The following CFAP47 variants were observed in gnomAD, a reference collection of about 807,000 sequenced individuals.
The protein encoded by CFAP47 is cilia and flagella associated protein 47.
In CFAP47, 29 loss-of-function variants were observed where a neutral mutation model predicts 148.1. The observed-to-expected ratio is 0.20, with a 90% CI of 0.15 to 0.27. CFAP47 has a LOEUF of 0.27. CFAP47 is among the 10% of genes least tolerant of loss of function. The pLI, the probability that CFAP47 is intolerant of heterozygous loss-of-function variation, is 1.00. For synonymous variants in CFAP47, 664 were observed against 577.3 expected, an observed-to-expected ratio of 1.15 and a Z score of -2.15; for missense variants, 1,872 against 1,697.5, an observed-to-expected ratio of 1.10 and a Z score of -1.81.
At chrX:36,333,123 ATC>A (rs1941577846) in intron 57 of CFAP47, among the ~76,000 whole-genome samples, 3 of 110,995 alleles carry the variant, frequency 2.7e-5, no homozygotes, top group African/African-American at 9.8e-5. Flanking sequence ...TTATACATTT[ATC>A]TCTCTTTATA....
At chrX:36,123,539 G>GGCAGA (rs1327708120) in intron 33 of CFAP47, among the ~76,000 whole-genome samples, 1 of 111,560 alleles carries the variant, frequency 9.0e-6, no homozygotes, top group Non-Finnish European at 1.9e-5. Context: ...CCTCTCCGAA[G>GGCAGA]GCAGAGGAGC....
At chrX:36,141,508 C>A (rs1423662698) in intron 35 of CFAP47, among the ~76,000 whole-genome samples, 2 of 110,950 alleles carry the variant, frequency 1.8e-5, no homozygotes, top group African/African-American at 3.3e-5. Context: ...TCCACTGACT[C>A]AGCTTCAACC....
At position 35,956,104 on chromosome X, in the gene CFAP47, T is replaced by G. The variant is rs150580241; in HGVS notation, c.1318T>G (p.Cys440Gly). The G allele has an allele frequency of 1.7e-6, 2 of 1,209,659 alleles. No homozygotes were observed. Among genetic ancestry groups the G allele is most frequent in the African/African-American group, 3.5e-5 (2 of 57,123 alleles). Reference protein sequence around the residue: ...SEIQCIIKNQCELLPVTYHFK... With the variant: ...SEIQCIIKNQGELLPVTYHFK... The stretch of plus-strand genomic sequence containing the variant: ...AATTCAGTGCATCATAAAAAATCAA[T>G]GCGAATTACTTCCTGTGACGTACCA... The change falls in exon 8 of 64, where the codon TGC becomes GGC. Residue 440 changes from cysteine (C) to glycine (G), a missense_variant. Physicochemically the swap from Cys to Gly is radical, Grantham distance 159. Coordinates refer to ENST00000378653, the MANE Select transcript of CFAP47 (RefSeq NM_001304548.2).
chrX:36,182,756 T>C (rs982389463), intron 40 of CFAP47, among the ~76,000 whole-genome samples: 6 of 108,751 alleles, frequency 5.5e-5, no homozygotes, highest in African/African-American at 2.2e-4. Flanking sequence ...AACAAGAAAA[T>C]GTTTTTAAAA....
At chrX:36,146,103 G>A (rs936020636) in intron 36 of CFAP47, among the ~76,000 whole-genome samples, 4 of 111,204 alleles carry the variant, frequency 3.6e-5, no homozygotes, top group Non-Finnish European at 5.7e-5. Context: ...ATATCCAAGG[G>A]CTTTGGATAA....
In CFAP47 at chrX:36,100,384, A is replaced by C. The variant is rs1222715484; in HGVS notation, c.5127+505A>C. 2.7e-5 allele frequency among the ~76,000 whole-genome samples: 3 copies of C among 112,171 alleles called. No homozygotes were observed. In the East Asian group the frequency reaches 8.4e-4, roughly 32 times the overall value. On this transcript the variant is annotated intron_variant, in intron 32 of 63. Coordinates refer to ENST00000378653, the MANE Select transcript of CFAP47 (RefSeq NM_001304548.2). ...AGTCTCTTGCTATAAAACTATATTC[A>C]CTAAGATTCATACAACTATAGGCAA...
At chrX:36,304,628 G>A (rs1941331736) in intron 54 of CFAP47, among the ~76,000 whole-genome samples, 1 of 110,495 alleles carries the variant, frequency 9.1e-6, no homozygotes, top group African/African-American at 3.3e-5. Flanking sequence ...TGTTGCCAGG[G>A]TTCCAAGGGA....
rs782261232 is a variant in CFAP47, at chrX:36,376,189, C to A, written c.9186-3161C>A. 3.1e-4 allele frequency among the ~76,000 whole-genome samples: 35 copies of A among 112,357 alleles called. No homozygotes were observed. In the South Asian group the frequency reaches 0.011, roughly 34 times the overall value. Reference sequence around the variant, plus strand: ...CTGGCTAGAGATTCTGGAGGCCTTGCAAACCTTTTATGTGGATGTGTCTTT... The same window carrying A: ...CTGGCTAGAGATTCTGGAGGCCTTGAAAACCTTTTATGTGGATGTGTCTTT... On this transcript the variant is annotated intron_variant, in intron 62 of 63. Transcript: ENST00000378653.
chrX:36,175,286 C>T (rs1473562313), intron 39 of CFAP47, among the ~76,000 whole-genome samples: 2 of 112,164 alleles, frequency 1.8e-5, no homozygotes, highest in African/African-American at 6.5e-5. Context: ...CGTCTGAAGC[C>T]TTCTTCTCTC....
intron 33 of CFAP47, among the ~76,000 whole-genome samples, chrX:36,124,725 C>T (rs1287581464): frequency 9.0e-6 from 1 of 111,105 alleles, no homozygotes; most frequent in African/African-American, 3.3e-5. Context: ...AATTTAAAGC[C>T]AGGTTCTGTG....
At chrX:36,277,779 T>C (rs998778268) in intron 49 of CFAP47, among the ~76,000 whole-genome samples, 1 of 112,236 alleles carries the variant, frequency 8.9e-6, no homozygotes, top group African/African-American at 3.2e-5. Context: ...GGCTACCATA[T>C]TGGATAGCAC....
chrX:36,141,511 C>A (rs1939139749), intron 35 of CFAP47, among the ~76,000 whole-genome samples: 1 of 111,019 alleles, frequency 9.0e-6, no homozygotes, highest in African/African-American at 3.3e-5. Flanking sequence ...ACTGACTCAG[C>A]TTCAACCTCC....
At chrX:36,293,148 G>A (rs1941209081) in intron 51 of CFAP47, among the ~76,000 whole-genome samples, 1 of 111,309 alleles carries the variant, frequency 9.0e-6, no homozygotes, top group Non-Finnish European at 1.9e-5. Context: ...TTCTAGTGGA[G>A]TTAGAAAACG....
Position 36,156,816 on chromosome X carries a change from A to G in CFAP47, c.5787-2610A>G, listed in dbSNP as rs145261858. Among the ~76,000 whole-genome samples the G allele has an allele frequency of 6.4e-3, 710 of 111,555 alleles. 3 individuals carry two copies. Among genetic ancestry groups the G allele is most frequent in the African/African-American group, 0.022 (683 of 30,777 alleles). The stretch of plus-strand genomic sequence containing the variant: ...GAATGCTGGTCATTTACATGCTTCA[A>G]TATAACTACAAAATTTAAAAAATAA... On this transcript the variant is annotated intron_variant, in intron 37 of 63. Transcript: ENST00000378653.
chrX:36,047,409 A>G (rs1025020184), intron 26 of CFAP47, among the ~76,000 whole-genome samples: 1 of 111,947 alleles, frequency 8.9e-6, no homozygotes, highest in South Asian at 3.7e-4. Context: ...GAGCAATTGG[A>G]CAGGAAATAA....
chrX:35,956,863 T>C (rs1936253257), intron 8 of CFAP47, among the ~76,000 whole-genome samples: 1 of 111,376 alleles, frequency 9.0e-6, no homozygotes, highest in Non-Finnish European at 1.9e-5. Context: ...TTAGTGTTTT[T>C]GGAATATAGC....
chrX:36,302,968 A>G (rs1556008079), intron 53 of CFAP47, among the ~76,000 whole-genome samples: 1 of 112,050 alleles, frequency 8.9e-6, no homozygotes, highest in African/African-American at 3.2e-5. Context: ...TAGTTCATAC[A>G]TAATTATTTT....
At chrX:35,933,359 A>G (rs1229859940) in intron 2 of CFAP47, among the ~76,000 whole-genome samples, 2 of 111,281 alleles carry the variant, frequency 1.8e-5, no homozygotes, top group Non-Finnish European at 3.8e-5. Context: ...TTCACTTAAC[A>G]TAATGACCTC....
At position 36,041,504 on chromosome X, in the gene CFAP47, T is replaced by C. The variant is rs762010307; in HGVS notation, c.4007+2325T>C. 5.0e-4 allele frequency among the ~76,000 whole-genome samples: 56 copies of C among 111,375 alleles called. 1 individual carries two copies. The highest frequency in any genetic ancestry group is 1.5e-3 in the South Asian group (4 of 2,673). On this transcript the variant is annotated intron_variant, in intron 25 of 63. Coordinates refer to ENST00000378653, the MANE Select transcript of CFAP47 (RefSeq NM_001304548.2). ...TTTTACAGTCAAGTTTTACTGAACT[T>C]TCAGGAAACAGATATATCAAACTAT... is the stretch of plus-strand genomic sequence containing the variant.
Sources: allele counts gnomAD v4.1 joint callset (sites outside exome capture counted in the v4.1 genomes callset), GRCh38; gene constraint gnomAD v4.1.1; transcripts MANE v1.5; gene names NCBI Gene and HGNC (gene_info 2026-07-23, HGNC 2026-07-21).